The following MEF2A variants were observed in gnomAD, a reference collection of about 807,000 sequenced individuals.
MEF2A encodes myocyte-specific enhancer factor 2A.
MEF2A carries 28 observed loss-of-function variants against 55.8 expected under a neutral mutation model. The ratio of observed to expected loss-of-function variants is 0.50; its 90% CI spans 0.37 to 0.69. MEF2A has a LOEUF of 0.69. Among genes scored for constraint, MEF2A ranks in the 30% least tolerant of loss-of-function variants. MEF2A has a pLI of 0.00. For synonymous variants in MEF2A, 239 were observed against 227.1 expected, an observed-to-expected ratio of 1.05 and a Z score of -0.47; for missense variants, 528 against 626.2, an observed-to-expected ratio of 0.84 and a Z score of 1.67.
chr15:99,575,313 C>G (rs1469781545), intron 1 of MEF2A, among the ~76,000 whole-genome samples: 1 of 151,870 alleles, frequency 6.6e-6, no homozygotes, highest in Non-Finnish European at 1.5e-5. Flanking sequence ...AATTATATCC[C>G]TTGTATTGTT....
In MEF2A at chr15:99,575,951, C is replaced by T. The variant is rs553795715; in HGVS notation, c.-225+9847C>T. 6.4e-4 allele frequency among the ~76,000 whole-genome samples: 98 copies of T among 152,314 alleles called. No homozygotes were observed. The South Asian group carries it at 0.01, about 16-fold the overall frequency. On this transcript the variant is annotated intron_variant, in intron 1 of 11. Coordinates refer to ENST00000557942, the MANE Select transcript of MEF2A (RefSeq NM_001319206.4). ...TAGTGGAAACTTCTTCACATTAACT[C>T]ATTGGTTGTTTTAACATGCCCCCAT...
intron 10 of MEF2A, among the ~76,000 whole-genome samples, chr15:99,709,125 A>G (rs1030533985): frequency 5.9e-5 from 9 of 152,222 alleles, no homozygotes; most frequent in Admixed American, 5.2e-4. Context: ...TAGTGGTCCA[A>G]GCAATGGGTG....
Position 99,690,449 on chromosome 15 carries a change from A to C in MEF2A, c.858+21A>C, listed in dbSNP as rs536967614. 9.8e-5 allele frequency: 153 copies of C among 1,565,018 alleles called. No homozygotes were observed. The Admixed American group carries it at 1.7e-3, about 17-fold the overall frequency. The stretch of plus-strand genomic sequence containing the variant: ...CACTAGTAAGTTGAACCTTTCTTCA[A>C]CTTCATTCTTTAAAACACATATTTT... On this transcript the variant is annotated intron_variant, in intron 8 of 11. Transcript: ENST00000557942.
chr15:99,678,522 C>T (rs2052561977), intron 7 of MEF2A: 1 of 422,882 alleles, frequency 2.4e-6, no homozygotes, highest in South Asian at 1.0e-4. Flanking sequence ...TAAACCATAT[C>T]ATTTTTACCA....
intron 4 of MEF2A, among the ~76,000 whole-genome samples, chr15:99,649,409 A>C (rs1422095589): frequency 6.6e-6 from 1 of 152,162 alleles, no homozygotes; most frequent in African/African-American, 2.4e-5. Flanking sequence ...TTTCTTACAA[A>C]ACATGAGTTT....
chr15:99,685,997 T>C (rs528269930), intron 7 of MEF2A, among the ~76,000 whole-genome samples: 1 of 152,218 alleles, frequency 6.6e-6, no homozygotes, highest in Non-Finnish European at 1.5e-5. Flanking sequence ...CTGCTTGTTA[T>C]TGGTCCATGC....
At chr15:99,680,714 C>T (rs1308284752) in intron 7 of MEF2A, among the ~76,000 whole-genome samples, 2 of 151,902 alleles carry the variant, frequency 1.3e-5, no homozygotes, top group Non-Finnish European at 2.9e-5. Context: ...TGATTTAAAA[C>T]GAGCAAAAAA....
intron 2 of MEF2A, among the ~76,000 whole-genome samples, chr15:99,609,488 C>T (rs1040703622): frequency 2.0e-5 from 3 of 152,048 alleles, no homozygotes; most frequent in Admixed American, 1.3e-4. Flanking sequence ...TTTTTGTTAT[C>T]GAATCCTTTC....
intron 2 of MEF2A, among the ~76,000 whole-genome samples, chr15:99,607,926 G>T (rs1348955489): frequency 2.6e-5 from 4 of 152,148 alleles, no homozygotes; most frequent in African/African-American, 9.7e-5. Context: ...TATATCATCA[G>T]TTCTTATAAT....
chr15:99,694,563 A>G lies in MEF2A; in HGVS notation c.858+4135A>G, dbSNP rs556276128. 4.6e-5 allele frequency among the ~76,000 whole-genome samples: 7 copies of G among 152,288 alleles called. No individual in the cohort carries two copies. In the South Asian group the frequency reaches 1.2e-3, roughly 27 times the overall value. On this transcript the variant is annotated intron_variant, in intron 8 of 11. Transcript: ENST00000557942. ...CAGATTTTCAGATTTGGGATGACCAACCTGTATCGTCATAACTATTGCTGA... is the reference window on the plus strand; with the variant it reads ...CAGATTTTCAGATTTGGGATGACCAGCCTGTATCGTCATAACTATTGCTGA...
intron 4 of MEF2A, among the ~76,000 whole-genome samples, chr15:99,660,918 G>A (rs1596913944): frequency 1.3e-5 from 2 of 152,260 alleles, no homozygotes; most frequent in South Asian, 4.1e-4. Flanking sequence ...TGATTCTAAA[G>A]TTCACAGAGA....
intron 1 of MEF2A, among the ~76,000 whole-genome samples, chr15:99,578,584 G>A (rs1006915730): frequency 2.0e-5 from 3 of 152,142 alleles, no homozygotes; most frequent in East Asian, 1.9e-4. Flanking sequence ...TAGGACTGCC[G>A]CTCATTGCTA....
In MEF2A at chr15:99,675,764, G is replaced by A. The variant is rs117983730; in HGVS notation, c.670+306G>A. Among the ~76,000 whole-genome samples, 86 of 152,274 alleles carry A rather than the reference G, an allele frequency of 5.6e-4. No homozygotes were observed. In the East Asian group the frequency reaches 0.014, roughly 26 times the overall value. On this transcript the variant is annotated intron_variant, in intron 7 of 11. Coordinates refer to ENST00000557942, the MANE Select transcript of MEF2A (RefSeq NM_001319206.4). ...ATTAACATATTTGTCTTGGCCGGGC[G>A]TCGTGGCTCACACCTGTAATCCCAG...
intron 4 of MEF2A, among the ~76,000 whole-genome samples, chr15:99,666,409 G>A (rs2049719197): frequency 6.6e-6 from 1 of 151,962 alleles, no homozygotes; most frequent in South Asian, 2.1e-4. Context: ...TGGACACGGA[G>A]CGGAACATCA....
At chr15:99,636,575 G>A (rs2043887203) in intron 3 of MEF2A, among the ~76,000 whole-genome samples, 1 of 152,174 alleles carries the variant, frequency 6.6e-6, no homozygotes, top group Non-Finnish European at 1.5e-5. Context: ...CTGGCCTTAA[G>A]TGATCCTCCT....
At chr15:99,625,191 G>A (rs1409257809) in intron 2 of MEF2A, among the ~76,000 whole-genome samples, 1 of 152,160 alleles carries the variant, frequency 6.6e-6, no homozygotes, top group East Asian at 1.9e-4. Context: ...AAGTCAAGTA[G>A]CATCTGTATT....
chr15:99,629,063 G>A (rs2042499009), intron 2 of MEF2A, among the ~76,000 whole-genome samples: 1 of 148,576 alleles, frequency 6.7e-6, no homozygotes, highest in African/African-American at 2.5e-5. Context: ...TTTATTATTT[G>A]GGAAAAGTCA....
At chr15:99,653,348 CAGAG>C (rs757339516) in intron 4 of MEF2A, among the ~76,000 whole-genome samples, 5 of 152,132 alleles carry the variant, frequency 3.3e-5, no homozygotes, top group South Asian at 2.1e-4. Context: ...GCTCTGTTCT[CAGAG>C]AGAGACTAGG....
chr15:99,664,668 TAG>T (rs1401352484), intron 4 of MEF2A, among the ~76,000 whole-genome samples: 1 of 152,090 alleles, frequency 6.6e-6, no homozygotes, highest in African/African-American at 2.4e-5. Flanking sequence ...CATGTGAATG[TAG>T]AGAGAGAACA....
Sources: allele counts gnomAD v4.1 joint callset (sites outside exome capture counted in the v4.1 genomes callset), GRCh38; gene constraint gnomAD v4.1.1; transcripts MANE v1.5; gene names NCBI Gene and HGNC (gene_info 2026-07-23, HGNC 2026-07-21).